Variants in VWA3A observed in about 807,000 individuals in gnomAD.
VWA3A encodes the protein von Willebrand factor A domain-containing protein 3A.
VWA3A carries 134 observed loss-of-function variants against 160.4 expected under a neutral mutation model. The observed-to-expected ratio is 0.84, with a 90% CI of 0.73 to 0.96. VWA3A has a LOEUF of 0.96. Ranked by LOEUF, VWA3A falls within the 40% of genes least tolerant of loss-of-function variation. VWA3A has a pLI of 0.00. For missense variants in VWA3A, 1,310 were observed against 1,447.9 expected (o/e 0.90, Z 1.55); for synonymous variants, 476 against 543.4 (o/e 0.88, Z 1.72).
chr16:22,109,610 G>A (rs1193773310), intron 7 of VWA3A, 30 bp downstream of exon 7: 1 of 1,592,244 alleles, frequency 6.3e-7, no homozygotes, highest in Non-Finnish European at 8.6e-7. Context: ...AGAAACACCT[G>A]GAACCACCCA....
intron 28 of VWA3A, 137 bp from the exon 29 acceptor site, chr16:22,149,650 G>A (rs141063067): frequency 2.2e-5 from 25 of 1,127,718 alleles, no homozygotes; most frequent in South Asian, 9.3e-5. Context: ...CACAGGGCTC[G>A]TTGTAGGGGT....
Position 22,096,941 on chromosome 16 carries a change from C to A in VWA3A, c.97C>A (p.His33Asn). 6.7e-7 allele frequency: 1 copy of A among 1,495,270 alleles called. No homozygotes were observed. The highest frequency in any genetic ancestry group is 9.1e-7 in the Non-Finnish European group (1 of 1,099,630). 92.6% of individuals were successfully genotyped at this position (1,495,270 alleles called of 1,614,324 possible). ...HGQENMFLEN[H>N]CIRRNTGRDS... ...TCAAGAAAATATGTTTCTGGAAAACCATTGGTAAGCATAGTTCTCTGATTT... is the reference window on the plus strand; with the variant it reads ...TCAAGAAAATATGTTTCTGGAAAACAATTGGTAAGCATAGTTCTCTGATTT... The change falls in exon 2 of 34, where the codon CAT becomes AAT. Residue 33 changes from histidine (H) to asparagine (N), a missense_variant. Coordinates refer to ENST00000389398, the MANE Select transcript of VWA3A (RefSeq NM_173615.5).
rs1213955867 is a variant in VWA3A at position 22,138,499 on chromosome 16, T to C, written c.2279T>C (p.Leu760Pro). The C allele has an allele frequency of 1.2e-6, 2 of 1,613,722 alleles. No homozygotes were observed. Among genetic ancestry groups the C allele is most frequent in the Non-Finnish European group, 1.7e-6 (2 of 1,179,846 alleles). ...TGCCCTCCCAGGCCCACCGTCCCCC[T>C]GGGGGCCAGAATGGTTTGACTCCCC... The part of the protein sequence containing the change: ...KLCPPRPTVP[L>P]GARMSIKDDP... The change falls in exon 22 of 34, where the codon CTG (leucine) becomes CCG (proline). Residue 760 changes from leucine (L) to proline (P), a missense_variant. Transcript: ENST00000389398.
In VWA3A at chr16:22,156,099, G is replaced by A. The variant is rs367776184; in HGVS notation, c.*82G>A. 3 of 631,986 alleles carry A rather than the reference G, an allele frequency of 4.7e-6. No homozygotes were observed. The highest frequency in any genetic ancestry group is 5.6e-5 in the East Asian group (2 of 35,696). The allele number at this position is 631,986 out of a possible 1,614,324, so 39.1% of individuals were successfully genotyped here. A position where few individuals can be genotyped will look rare whatever the true frequency, so the allele number is the denominator to read the frequency against. ...CCCCGAGGGCAGGATGGGATGAAAT[G>A]CTGTGACCTGCAGGAAACATGATTC... On this transcript the variant is annotated 3_prime_UTR_variant, in exon 34 of 34. Coordinates refer to ENST00000389398, the MANE Select transcript of VWA3A (RefSeq NM_173615.5).
intron 19 of VWA3A, 29 bp downstream of exon 19, chr16:22,131,758 T>C (rs755756843): frequency 6.3e-7 from 1 of 1,598,722 alleles, no homozygotes; most frequent in East Asian, 2.2e-5. Context: ...GGGTGTCCAT[T>C]ATCCTTTGCG....
In VWA3A at chr16:22,131,708, G is replaced by A; in HGVS notation, c.1851G>A (p.Gly617=). The A allele has an allele frequency of 1.2e-6, 2 of 1,613,838 alleles. No individual in the cohort carries two copies. The highest frequency in any genetic ancestry group is 1.7e-6 in the Non-Finnish European group (2 of 1,179,792). The part of the protein sequence containing the change: ...HQSQGIYLFT[G]GIPDQDMPTL... The stretch of plus-strand genomic sequence containing the variant: ...CGCAGGGAATCTACCTCTTCACTGG[G>A]GGCATCCCCGACCAGGACATGGTGG... The change falls in exon 19 of 34, where the codon GGG becomes GGA. Residue 617 remains glycine, a synonymous_variant. Transcript: ENST00000389398.
In VWA3A at chr16:22,155,549, T is replaced by G. The variant is rs2046425286; in HGVS notation, c.3406-18T>G. On this transcript the variant is annotated intron_variant, in intron 31 of 33. Coordinates refer to ENST00000389398, the MANE Select transcript of VWA3A (RefSeq NM_173615.5). ...TCCCATCCAGTCATAAACTTCACACTCATTTCCTCTTTTCAAGGATCCCAC... is the reference window on the plus strand; with the variant it reads ...TCCCATCCAGTCATAAACTTCACACGCATTTCCTCTTTTCAAGGATCCCAC... 1 of 1,610,998 alleles carries G rather than the reference T, an allele frequency of 6.2e-7. No homozygotes were observed. The highest frequency in any genetic ancestry group is 1.1e-5 in the South Asian group (1 of 91,022).
chr16:22,152,161 A>T (rs1024343681), intron 30 of VWA3A, among the ~76,000 whole-genome samples: 1 of 152,140 alleles, frequency 6.6e-6, no homozygotes, highest in African/African-American at 2.4e-5. Context: ...CAGTGAGCCA[A>T]GATTGTGCCA....
chr16:22,110,813 C>A, intron 7 of VWA3A, 75 bp from the exon 8 acceptor site: 1 of 1,412,270 alleles, frequency 7.1e-7, no homozygotes, highest in Non-Finnish European at 9.7e-7. Flanking sequence ...GAGGGGCCAG[C>A]AAAGGCCAGA....
At chr16:22,125,085 A>AC (rs1343872263) in intron 16 of VWA3A, among the ~76,000 whole-genome samples, 2 of 151,740 alleles carry the variant, frequency 1.3e-5, no homozygotes, top group African/African-American at 4.8e-5. Flanking sequence ...CCCTACGAAG[A>AC]CCCCAACCTA....
Position 22,116,397 on chromosome 16 carries a change from AAGAG to A in VWA3A, c.816-356_816-353del, listed in dbSNP as rs751469163. The A allele has an allele frequency of 1.8e-5, 8 of 444,376 alleles. No homozygotes were observed. The Admixed American group carries it at 2.2e-4, about 12-fold the overall frequency. 27.5% of individuals were successfully genotyped at this position (444,376 alleles called of 1,614,324 possible). A position where few individuals can be genotyped will look rare whatever the true frequency, so the allele number is the denominator to read the frequency against. On this transcript the variant is annotated intron_variant, in intron 9 of 33. Transcript: ENST00000389398. ...GAGAAAAAAGAGGAAGGAAAGAAGG[AAGAG>A]AGAGAAAAACAAAGGAAAAAGGAAA...
In VWA3A at chr16:22,142,017, C is replaced by T. The variant is rs188402973; in HGVS notation, c.2494+325C>T. 1.2e-4 allele frequency among the ~76,000 whole-genome samples: 18 copies of T among 152,302 alleles called. No homozygotes were observed. In the East Asian group the frequency reaches 3.1e-3, roughly 26 times the overall value. On this transcript the variant is annotated intron_variant, in intron 24 of 33. Coordinates refer to ENST00000389398, the MANE Select transcript of VWA3A (RefSeq NM_173615.5). ...ATGGAGATGATTCCCCTAGGCCAGC[C>T]TGATTCACTGCTGTGAAATGGTGCA...
chr16:22,133,985 A>G (rs927861344), intron 20 of VWA3A, among the ~76,000 whole-genome samples: 2 of 152,074 alleles, frequency 1.3e-5, no homozygotes, highest in African/African-American at 4.8e-5. Flanking sequence ...TTTTTTAGAG[A>G]CGGGGTCTCC....
intron 30 of VWA3A, 100 bp from the exon 31 acceptor site, chr16:22,152,411 C>T: frequency 2.0e-6 from 3 of 1,479,226 alleles, no homozygotes; most frequent in Non-Finnish European, 1.8e-6. Flanking sequence ...GCTGATTTCT[C>T]TTAAGCCCCA....
At chr16:22,114,892 C>T (rs971593486) in intron 8 of VWA3A, among the ~76,000 whole-genome samples, 8 of 151,828 alleles carry the variant, frequency 5.3e-5, no homozygotes, top group Non-Finnish European at 1.0e-4. Flanking sequence ...TGCAACCTTC[C>T]GCCTCTGGAG....
chr16:22,123,042 C>T (rs745871299), intron 14 of VWA3A, 43 bp from the exon 15 acceptor site: 25 of 1,524,574 alleles, frequency 1.6e-5, no homozygotes, highest in Non-Finnish European at 2.1e-5. Flanking sequence ...ACTACATGTA[C>T]TTCTGTTCGC....
chr16:22,117,220 G>T (rs1450870510), intron 11 of VWA3A, 44 bp downstream of exon 11: 3 of 1,552,722 alleles, frequency 1.9e-6, no homozygotes, highest in African/African-American at 2.7e-5. Flanking sequence ...TTCTCTCCTT[G>T]TCTGCCTCCA....
chr16:22,120,674 G>A (rs1325072335), intron 12 of VWA3A, among the ~76,000 whole-genome samples: 3 of 152,180 alleles, frequency 2.0e-5, no homozygotes, highest in African/African-American at 7.2e-5. Flanking sequence ...TTTTAGGGGT[G>A]ACCTGTCACC....
In VWA3A at chr16:22,110,946, C is replaced by T; in HGVS notation, c.641C>T (p.Thr214Ile). Residue 214 changes from threonine (T) to isoleucine (I), a missense_variant, in exon 8 of 34, where the codon ACC becomes ATC. By Grantham distance (89) the Thr-to-Ile change is moderately conservative. Transcript: ENST00000389398. ...KEKLFVLSFG[T>I]NAGSLWPDPM... ...AAGCTGTTTGTCCTGTCCTTTGGCACCAATGCCGGGTCCCTCTGGCCAGAC... is the reference window on the plus strand; with the variant it reads ...AAGCTGTTTGTCCTGTCCTTTGGCATCAATGCCGGGTCCCTCTGGCCAGAC... 6.2e-7 allele frequency: 1 copy of T among 1,610,712 alleles called. No homozygotes were observed. The highest frequency in any genetic ancestry group is 8.5e-7 in the Non-Finnish European group (1 of 1,178,652).
Sources: allele counts gnomAD v4.1 joint callset (sites outside exome capture counted in the v4.1 genomes callset), GRCh38; gene constraint gnomAD v4.1.1; transcripts MANE v1.5; gene names NCBI Gene and HGNC (gene_info 2026-07-23, HGNC 2026-07-21).